The following ARHGAP15 variants were observed in gnomAD, a reference collection of about 807,000 sequenced individuals.
ARHGAP15 encodes the protein rho GTPase-activating protein 15.
A neutral mutation model predicts 63.7 loss-of-function variants in ARHGAP15; 51 were observed. That is an observed-to-expected ratio of 0.80 (90% CI 0.64 to 1.01). The LOEUF (loss-of-function observed/expected upper bound fraction) is 1.01, where lower values mean the gene tolerates loss of function less well. Ranked by LOEUF, ARHGAP15 falls within the 50% of genes least tolerant of loss-of-function variation. The pLI is 0.00. For missense variants in ARHGAP15, 560 were observed against 564.6 expected, an observed-to-expected ratio of 0.99 and a Z score of 0.08; for synonymous variants, 191 against 193.8, an observed-to-expected ratio of 0.99 and a Z score of 0.12.
At chr2:143,216,051 A>G (rs894295591) in intron 3 of ARHGAP15, among the ~76,000 whole-genome samples, 12 of 152,236 alleles carry the variant, frequency 7.9e-5, no homozygotes, top group African/African-American at 2.7e-4. Context: ...ACTTGGTAAA[A>G]TAAAGGAAGG....
chr2:143,367,129 T>C (rs529718453), intron 6 of ARHGAP15, among the ~76,000 whole-genome samples: 1 of 152,166 alleles, frequency 6.6e-6, no homozygotes, highest in East Asian at 1.9e-4. Flanking sequence ...TACATAACAA[T>C]CTTAATTTCC....
intron 13 of ARHGAP15, among the ~76,000 whole-genome samples, chr2:143,704,931 A>T (rs1393642099): frequency 6.6e-6 from 1 of 152,206 alleles, no homozygotes; most frequent in Non-Finnish European, 1.5e-5. Context: ...TACCACTCTT[A>T]GCCTGCTGAA....
rs971428001 is a variant in ARHGAP15 at position 143,312,925 on chromosome 2, T to C, written c.474+62325T>C. On this transcript the variant is annotated intron_variant, in intron 6 of 13. Transcript: ENST00000295095. ...ACTCATCTATAACTAAAGAATGGTA[T>C]ATAAAAACTAAGACTGCCCTCTTAG... is the stretch of plus-strand genomic sequence containing the variant. Among the ~76,000 whole-genome samples the C allele has an allele frequency of 4.1e-4, 63 of 152,334 alleles. 1 individual carries two copies. The highest frequency in any genetic ancestry group is 4.1e-3 in the Admixed American group (62 of 15,274).
At chr2:143,631,668 G>A (rs1290451690) in intron 12 of ARHGAP15, among the ~76,000 whole-genome samples, 3 of 152,018 alleles carry the variant, frequency 2.0e-5, no homozygotes, top group African/African-American at 7.2e-5. Flanking sequence ...CTTTGCTATT[G>A]AGTTTCAAGA....
At chr2:143,130,469 G>A (rs962812362) in intron 1 of ARHGAP15, among the ~76,000 whole-genome samples, 7 of 152,120 alleles carry the variant, frequency 4.6e-5, no homozygotes, top group African/African-American at 1.7e-4. Context: ...TGCTGGATGG[G>A]AGAAGTGATG....
chr2:143,508,037 C>G (rs551228428), intron 9 of ARHGAP15, among the ~76,000 whole-genome samples: 3 of 151,576 alleles, frequency 2.0e-5, no homozygotes, highest in African/African-American at 7.3e-5. Context: ...GTCACCCCCC[C>G]CTCCTCCATA....
At chr2:143,546,523 A>C (rs1373725592) in intron 10 of ARHGAP15, among the ~76,000 whole-genome samples, 1 of 152,080 alleles carries the variant, frequency 6.6e-6, no homozygotes, top group Non-Finnish European at 1.5e-5. Flanking sequence ...TTTCCTTAGG[A>C]ATAGCATCTC....
chr2:143,192,166 G>A (rs1691709030), intron 2 of ARHGAP15, among the ~76,000 whole-genome samples: 1 of 152,164 alleles, frequency 6.6e-6, no homozygotes, highest in South Asian at 2.1e-4. Flanking sequence ...TTGGCCATTG[G>A]GTATTTATGC....
At chr2:143,168,789 C>A (rs902051860) in intron 2 of ARHGAP15, among the ~76,000 whole-genome samples, 9 of 152,012 alleles carry the variant, frequency 5.9e-5, no homozygotes, top group African/African-American at 1.2e-4. Flanking sequence ...TAATTATCAT[C>A]ATTTACTTTA....
At chr2:143,357,589 A>G (rs770797324) in intron 6 of ARHGAP15, among the ~76,000 whole-genome samples, 2 of 152,176 alleles carry the variant, frequency 1.3e-5, no homozygotes, top group African/African-American at 2.4e-5. Flanking sequence ...ACAGGTTTGA[A>G]TGAGGCTACT....
At chr2:143,471,037 GCA>G (rs549997644) in intron 8 of ARHGAP15, among the ~76,000 whole-genome samples, 91 of 147,768 alleles carry the variant, frequency 6.2e-4, no homozygotes, top group South Asian at 4.0e-3. Context: ...GTGTATATAT[GCA>G]CACACACATG....
intron 6 of ARHGAP15, among the ~76,000 whole-genome samples, chr2:143,254,862 C>T (rs1680340738): frequency 1.9e-5 from 2 of 107,314 alleles, no homozygotes; most frequent in South Asian, 7.3e-4. Context: ...CAAATTCACT[C>T]CTATTAAAAA....
intron 6 of ARHGAP15, among the ~76,000 whole-genome samples, chr2:143,417,313 T>G (rs1351813835): frequency 6.6e-6 from 1 of 152,182 alleles, no homozygotes. Context: ...CCACACATGC[T>G]TATGCATAGG....
At chr2:143,373,481 T>A (rs34169965) in intron 6 of ARHGAP15, among the ~76,000 whole-genome samples, 2 of 151,548 alleles carry the variant, frequency 1.3e-5, no homozygotes, top group Admixed American at 6.6e-5. Flanking sequence ...ATACAAAAAA[T>A]TAGCTGGGAG....
chr2:143,197,247 A>G (rs947326528), intron 2 of ARHGAP15, among the ~76,000 whole-genome samples: 2 of 151,950 alleles, frequency 1.3e-5, no homozygotes, highest in African/African-American at 2.4e-5. Context: ...TGACATATGG[A>G]TGTACTAAAT....
chr2:143,218,775 G>T (rs1692871579), intron 4 of ARHGAP15, among the ~76,000 whole-genome samples: 1 of 152,110 alleles, frequency 6.6e-6, no homozygotes, highest in African/African-American at 2.4e-5. Flanking sequence ...GATGGTATGT[G>T]ATATAGCCTA....
intron 4 of ARHGAP15, among the ~76,000 whole-genome samples, chr2:143,220,880 T>C (rs1285413415): frequency 3.3e-5 from 5 of 152,190 alleles, no homozygotes; most frequent in African/African-American, 1.2e-4. Flanking sequence ...TTATCAGTAA[T>C]ACTTAAATGA....
intron 6 of ARHGAP15, among the ~76,000 whole-genome samples, chr2:143,257,951 G>A (rs1680509595): frequency 6.6e-6 from 1 of 151,974 alleles, no homozygotes; most frequent in Admixed American, 6.6e-5. Flanking sequence ...TTTCATATCT[G>A]TTTCAATATC....
At chr2:143,169,713 CCAGG>C in intron 2 of ARHGAP15, among the ~76,000 whole-genome samples, 2 of 86,308 alleles carry the variant, frequency 2.3e-5, no homozygotes, top group Admixed American at 1.1e-4. Context: ...TGTGGGCCCT[CCAGG>C]TTCAATCAGA....
Sources: gnomAD v4.1 joint callset for allele counts (sites outside exome capture counted in the v4.1 genomes callset) on GRCh38, gnomAD v4.1.1 for gene constraint, MANE v1.5 for transcripts, NCBI Gene and HGNC (gene_info 2026-07-23, HGNC 2026-07-21) for gene names.